The following PCSK6 variants were observed in gnomAD, a reference collection of about 807,000 sequenced individuals.
PCSK6 encodes paired basic amino acid cleaving enzyme 4.
Under a neutral mutation model 123.3 loss-of-function variants are expected in PCSK6, and 85 were observed. The ratio of observed to expected loss-of-function variants is 0.69; its 90% CI spans 0.58 to 0.83. PCSK6 has a LOEUF of 0.83. PCSK6 is among the 40% of genes least tolerant of loss of function. The pLI is 0.00. For missense variants in PCSK6, 1,191 were observed against 1,282.3 expected, an observed-to-expected ratio of 0.93 and a Z score of 1.09; for synonymous variants, 508 against 516.0, an observed-to-expected ratio of 0.98 and a Z score of 0.21.
At chr15:101,466,606 C>T (rs751703986) in intron 1 of PCSK6, among the ~76,000 whole-genome samples, 3 of 152,148 alleles carry the variant, frequency 2.0e-5, no homozygotes, top group Non-Finnish European at 2.9e-5. Context: ...AAATGTCCAT[C>T]GGTTGATAAA....
chr15:101,406,775 C>T (rs1014941043), intron 6 of PCSK6, among the ~76,000 whole-genome samples: 3 of 152,058 alleles, frequency 2.0e-5, no homozygotes, highest in East Asian at 1.9e-4. Context: ...TGTGTGGGGA[C>T]GCGCGGGGGA....
chr15:101,440,648 C>T (rs757199214), intron 2 of PCSK6, among the ~76,000 whole-genome samples: 3 of 152,166 alleles, frequency 2.0e-5, no homozygotes, highest in Non-Finnish European at 4.4e-5. Context: ...CCTCGCATTC[C>T]GAAGTCTCTG....
At chr15:101,308,866 A>T (rs1313929025) in intron 20 of PCSK6, 1 of 152,262 alleles carries the variant, frequency 6.6e-6, no homozygotes, top group Non-Finnish European at 1.5e-5. Flanking sequence ...TGAGACGAGA[A>T]CCAGGGCCGA....
At chr15:101,379,909 G>T (rs568637543) in intron 11 of PCSK6, among the ~76,000 whole-genome samples, 1 of 152,178 alleles carries the variant, frequency 6.6e-6, no homozygotes, top group African/African-American at 2.4e-5. Flanking sequence ...TGGACGTGAG[G>T]CATGGAACTC....
At position 101,398,655 on chromosome 15, in the gene PCSK6, G is replaced by A. The variant is rs1022762085; in HGVS notation, c.824-79C>T. 1.2e-5 allele frequency: 18 copies of A among 1,471,506 alleles called. No individual in the cohort carries two copies. Among genetic ancestry groups the A allele is most frequent in the African/African-American group, 5.5e-5 (4 of 72,098 alleles). 91.2% of individuals were successfully genotyped at this position (1,471,506 alleles called of 1,614,324 possible). A position where few individuals can be genotyped will look rare whatever the true frequency, so the allele number is the denominator to read the frequency against. On this transcript the variant is annotated intron_variant, in intron 6 of 21. Transcript: ENST00000611716. This position sits in a 1 kb window ranked among gnomAD's most constrained non-coding sequence, Gnocchi z 4.6. ...ACGGGAACCCGGGCCCAGGAGGCTC[G>A]GATGAGGACACCGCATCACAGAGTC...
At chr15:101,484,197 C>T (rs911911852) in intron 1 of PCSK6, among the ~76,000 whole-genome samples, 11 of 152,180 alleles carry the variant, frequency 7.2e-5, no homozygotes, top group African/African-American at 2.7e-4. Flanking sequence ...CACCCACACA[C>T]ATAAGCGTGT....
chr15:101,343,409 T>C (rs1424078828), intron 13 of PCSK6, among the ~76,000 whole-genome samples: 2 of 152,126 alleles, frequency 1.3e-5, no homozygotes, highest in Non-Finnish European at 2.9e-5. Flanking sequence ...TTGGTTTTTT[T>C]CTATCATCTT....
intron 1 of PCSK6, among the ~76,000 whole-genome samples, chr15:101,487,959 A>G (rs1303691245): frequency 3.3e-5 from 5 of 152,210 alleles, no homozygotes; most frequent in African/African-American, 1.2e-4. Flanking sequence ...TTATATATAT[A>G]TATGCATATA....
chr15:101,391,959 G>A (rs3784481), intron 8 of PCSK6, among the ~76,000 whole-genome samples: 98,418 of 152,132 alleles, frequency 0.65, 32,398 homozygotes, highest in African/African-American at 0.74. Context: ...GCCAAGGCAC[G>A]CACACATGCA....
In PCSK6 at chr15:101,489,387, A is replaced by G; in HGVS notation, c.284T>C (p.Leu95Pro). ...ADRVAAAHGY[L>P]NLGQIGNLED... is the part of the protein sequence containing the mutation. Reference sequence around the variant, plus strand: ...GGCCGCACTCACCTGGCCCAAGTTGAGGTACCCGTGCGCCGCCGCCACGCG... The same window carrying G: ...GGCCGCACTCACCTGGCCCAAGTTGGGGTACCCGTGCGCCGCCGCCACGCG... Residue 95 changes from leucine (L) to proline (P), a missense_variant, in exon 1 of 22, where the codon CTC (leucine) becomes CCC (proline). Leu to Pro is a moderately conservative substitution (Grantham distance 98). Around this residue, in one of 3 missense-constraint regions of PCSK6, gnomAD observed 204 missense variants for 166.4 expected, o/e 1.23. Coordinates refer to ENST00000611716, the MANE Select transcript of PCSK6 (RefSeq NM_002570.5). 7.9e-7 allele frequency: 1 copy of G among 1,257,906 alleles called. No homozygotes were observed. Among genetic ancestry groups the G allele is most frequent in the Non-Finnish European group, 1.0e-6 (1 of 988,274 alleles). The allele number at this position is 1,257,906 out of a possible 1,614,324, so 77.9% of individuals were successfully genotyped here. A position where few individuals can be genotyped will look rare whatever the true frequency, so the allele number is the denominator to read the frequency against.
Position 101,427,910 on chromosome 15 carries a change from A to G in PCSK6, c.805T>C (p.Tyr269His), listed in dbSNP as rs2056313382. The change falls in exon 6 of 22, where the codon TAC (tyrosine) becomes CAC (histidine). Residue 269 changes from tyrosine to histidine, a missense_variant. Tyr to His is a moderately conservative substitution (Grantham distance 83, BLOSUM62 2). This residue lies in a region of PCSK6 where 357 missense variants were observed against 484.5 expected (regional missense o/e 0.74). Coordinates refer to ENST00000611716, the MANE Select transcript of PCSK6 (RefSeq NM_002570.5). ...GCCTTACCTCCTATTTTGGCATTGT[A>G]CGCTATGCCCACGATGCAGTAGGAA... ...NNSYCIVGIA[Y>H]NAKIGGIRML... is the part of the protein sequence containing the mutation. The G allele has an allele frequency of 1.3e-6, 2 of 1,581,998 alleles. No homozygotes were observed. The highest frequency in any genetic ancestry group is 4.6e-5 in the East Asian group (2 of 43,408).
intron 13 of PCSK6, among the ~76,000 whole-genome samples, chr15:101,356,616 G>A (rs1419257755): frequency 6.6e-6 from 1 of 151,730 alleles, no homozygotes; most frequent in Non-Finnish European, 1.5e-5. Flanking sequence ...GGAGGCAGAG[G>A]TTGCAGTGAG....
chr15:101,481,609 C>T (rs1179928904), intron 1 of PCSK6, among the ~76,000 whole-genome samples: 1 of 152,020 alleles, frequency 6.6e-6, no homozygotes, highest in Admixed American at 6.5e-5. Flanking sequence ...GTGGCAGGGG[C>T]AATGCAGGGA....
At chr15:101,465,970 G>A (rs1171731816) in intron 1 of PCSK6, among the ~76,000 whole-genome samples, 1 of 152,034 alleles carries the variant, frequency 6.6e-6, no homozygotes, top group East Asian at 1.9e-4. Flanking sequence ...TTACAAACAC[G>A]GTAGATACTG....
intron 1 of PCSK6, among the ~76,000 whole-genome samples, chr15:101,481,997 C>T (rs537763001): frequency 1.3e-5 from 2 of 152,202 alleles, no homozygotes; most frequent in African/African-American, 2.4e-5. Flanking sequence ...TGCGCGTTCA[C>T]GCACACGCAT....
intron 13 of PCSK6, among the ~76,000 whole-genome samples, chr15:101,333,592 C>T (rs1235627123): frequency 1.3e-5 from 2 of 152,264 alleles, no homozygotes; most frequent in South Asian, 2.1e-4. Context: ...CTCGCTACTC[C>T]ACCCGCTGGC....
chr15:101,430,531 A>G (rs752007742), intron 4 of PCSK6, among the ~76,000 whole-genome samples: 42 of 152,254 alleles, frequency 2.8e-4, no homozygotes, highest in Non-Finnish European at 5.3e-4. Flanking sequence ...CACGTGGGTC[A>G]GGATTTCCTT....
At chr15:101,313,196 T>C in intron 20 of PCSK6, 180 bp downstream of exon 20, 2 of 1,525,836 alleles carry the variant, frequency 1.3e-6, no homozygotes, top group Non-Finnish European at 8.9e-7. Context: ...CCAACAAATA[T>C]GCATCCAGTG....
intron 1 of PCSK6, among the ~76,000 whole-genome samples, chr15:101,489,095 G>C (rs1489863110): frequency 6.7e-6 from 1 of 148,726 alleles, no homozygotes. Context: ...GGGGTTGGGC[G>C]GCACTGCCGG....
Sources: allele counts gnomAD v4.1 joint callset (sites outside exome capture counted in the v4.1 genomes callset), GRCh38; gene constraint gnomAD v4.1.1; regional missense constraint gnomAD v4.1.1; non-coding constraint Gnocchi (gnomAD v3.1); transcripts MANE v1.5; gene names NCBI Gene and HGNC (gene_info 2026-07-23, HGNC 2026-07-21).